Variants in ARK2N observed in about 807,000 individuals in gnomAD.
ARK2N encodes the protein protein ARK2N.
chr18:46,215,047 G>A, the ARK2N span, among the ~76,000 whole-genome samples: 3 of 152,120 alleles, frequency 2.0e-5, no homozygotes, highest in Admixed American at 1.3e-4. Flanking sequence ...GGCCAGGCAC[G>A]GTGGCTTACT....
At chr18:46,253,554 A>G in the ARK2N span, 45 of 944,268 alleles carry the variant, frequency 4.8e-5, no homozygotes, top group Non-Finnish European at 6.7e-5. Context: ...AGCTTATTTG[A>G]CAGTTTTGCT....
chr18:46,193,814 G>A, the ARK2N span, among the ~76,000 whole-genome samples: 1 of 151,586 alleles, frequency 6.6e-6, no homozygotes, highest in Non-Finnish European at 1.5e-5. Context: ...GGCCAGACTG[G>A]TCTTGAACTC....
At chr18:46,221,572 G>A in the ARK2N span, among the ~76,000 whole-genome samples, 3 of 128,910 alleles carry the variant, frequency 2.3e-5, no homozygotes, top group African/African-American at 5.6e-5. Flanking sequence ...AAAAAAAAAG[G>A]TATTTTGATG....
the ARK2N span, among the ~76,000 whole-genome samples, chr18:46,204,452 T>C: frequency 6.6e-6 from 1 of 152,220 alleles, no homozygotes; most frequent in Non-Finnish European, 1.5e-5. Context: ...ACATTGACCT[T>C]CTTTAAAGTT....
At chr18:46,183,532 A>G in the ARK2N span, among the ~76,000 whole-genome samples, 4 of 152,288 alleles carry the variant, frequency 2.6e-5, no homozygotes, top group South Asian at 8.3e-4. Flanking sequence ...TTTGTTACTC[A>G]TAATTCCTTA....
the ARK2N span, among the ~76,000 whole-genome samples, chr18:46,247,986 C>T: frequency 6.6e-6 from 1 of 152,102 alleles, no homozygotes; most frequent in Non-Finnish European, 1.5e-5. Flanking sequence ...CTTCTTGCTT[C>T]TTAGTGAGTA....
chr18:46,221,526 C>T, the ARK2N span, among the ~76,000 whole-genome samples: 2,572 of 149,254 alleles, frequency 0.017, 67 homozygotes, highest in African/African-American at 0.06. Context: ...TGCCACTGCA[C>T]TCCAGCCTGG....
chr18:46,253,590 T>C, the ARK2N span: 1 of 1,386,558 alleles, frequency 7.2e-7, no homozygotes, highest in African/African-American at 1.4e-5. Context: ...AGGGTGATTC[T>C]GTTTCTGTGA....
chr18:46,248,137 C>T, the ARK2N span, among the ~76,000 whole-genome samples: 76 of 152,262 alleles, frequency 5.0e-4, no homozygotes, highest in African/African-American at 1.7e-3. Context: ...GGCAGTGAAA[C>T]GGTAACCTCC....
the ARK2N span, among the ~76,000 whole-genome samples, chr18:46,262,071 C>G: frequency 6.6e-6 from 1 of 152,162 alleles, no homozygotes; most frequent in African/African-American, 2.4e-5. Context: ...GAGGGCTGGT[C>G]AGGAAGTTTA....
chr18:46,188,677 A>G, the ARK2N span, among the ~76,000 whole-genome samples: 6 of 152,206 alleles, frequency 3.9e-5, no homozygotes, highest in Non-Finnish European at 1.5e-5. Flanking sequence ...AATTACTAAC[A>G]TAAAAATATA....
the ARK2N span, among the ~76,000 whole-genome samples, chr18:46,231,148 G>T: frequency 1.3e-5 from 2 of 152,158 alleles, no homozygotes; most frequent in Non-Finnish European, 2.9e-5. Flanking sequence ...GCCCAACAAG[G>T]TCAAGTTAAA....
chr18:46,194,477 T>G, the ARK2N span, among the ~76,000 whole-genome samples: 100,469 of 149,280 alleles, frequency 0.67, 34,485 homozygotes, highest in Non-Finnish European at 0.74. Flanking sequence ...TTTTTTTTTT[T>G]GTTTGTTTTT....
the ARK2N span, among the ~76,000 whole-genome samples, chr18:46,192,468 T>C: frequency 6.6e-6 from 1 of 151,998 alleles, no homozygotes; most frequent in Non-Finnish European, 1.5e-5. Flanking sequence ...TCCCAGCTAC[T>C]CAGGAGGCTG....
the ARK2N span, among the ~76,000 whole-genome samples, chr18:46,206,476 C>T: frequency 1.3e-5 from 2 of 152,146 alleles, no homozygotes; most frequent in Non-Finnish European, 2.9e-5. Flanking sequence ...GAGAACTTCC[C>T]TGATCTGTGA....
the ARK2N span, among the ~76,000 whole-genome samples, chr18:46,235,918 A>G: frequency 6.6e-6 from 1 of 151,110 alleles, no homozygotes; most frequent in South Asian, 2.1e-4. Flanking sequence ...AAAGGAAACT[A>G]ATTCGTAAAA....
chr18:46,211,814 T>C, the ARK2N span, among the ~76,000 whole-genome samples: 6 of 152,222 alleles, frequency 3.9e-5, no homozygotes, highest in African/African-American at 1.4e-4. Flanking sequence ...ATAAATTTAC[T>C]GTCAACATTA....
At chr18:46,216,486 G>C in the ARK2N span, 1 of 1,614,178 alleles carries the variant, frequency 6.2e-7, no homozygotes, top group Admixed American at 1.7e-5. The surrounding 1 kb of genome is among the most constrained non-coding windows in gnomAD (Gnocchi z 4.3). Context: ...ACCTGCTGCA[G>C]GACAGTAGTA....
chr18:46,221,739 C>A, the ARK2N span, among the ~76,000 whole-genome samples: 1,506 of 151,946 alleles, frequency 9.9e-3, 29 homozygotes, highest in African/African-American at 0.034. Flanking sequence ...GGTTTAATTG[C>A]TTGGCAAATT....
Sources: allele counts gnomAD v4.1 joint callset (sites outside exome capture counted in the v4.1 genomes callset), GRCh38; gene constraint gnomAD v4.1.1; non-coding constraint Gnocchi (gnomAD v3.1); transcripts MANE v1.5; gene names NCBI Gene and HGNC (gene_info 2026-07-23, HGNC 2026-07-21).